Variants in CDK17 observed in about 807,000 individuals in gnomAD.
CDK17 encodes the protein cyclin dependent kinase 17, also known as cyclin-dependent kinase 17.
CDK17 carries 24 observed loss-of-function variants against 77.6 expected under a neutral mutation model. That is an observed-to-expected ratio of 0.31 (90% confidence interval 0.22 to 0.44). CDK17 has a LOEUF of 0.44. CDK17 is among the 20% of genes least tolerant of loss of function. The pLI is 1.00. For missense variants in CDK17, 429 were observed against 622.5 expected (o/e 0.69, Z 3.31); for synonymous variants, 203 against 210.4 (o/e 0.96, Z 0.30).
chr12:96,309,952 A>G (rs1429262051), intron 5 of CDK17, among the ~76,000 whole-genome samples: 2 of 152,244 alleles, frequency 1.3e-5, no homozygotes, highest in Non-Finnish European at 2.9e-5. Context: ...GAAGCAGAAT[A>G]TAATGCAACA....
intron 5 of CDK17, among the ~76,000 whole-genome samples, chr12:96,309,340 A>G (rs1425857169): frequency 6.6e-6 from 1 of 152,214 alleles, no homozygotes; most frequent in Non-Finnish European, 1.5e-5. Context: ...CTCAAGTGCT[A>G]TCTCTGTAAG....
At chr12:96,394,809 A>G (rs1372447183) in intron 1 of CDK17, among the ~76,000 whole-genome samples, 3 of 151,460 alleles carry the variant, frequency 2.0e-5, no homozygotes, top group African/African-American at 4.8e-5. Flanking sequence ...AAAAAAAAAA[A>G]AAGAAAAAAA....
chr12:96,361,226 T>G lies in CDK17; in HGVS notation c.-29-26361A>C, dbSNP rs375015498. Among the ~76,000 whole-genome samples, 9 of 152,314 alleles carry G rather than the reference T, an allele frequency of 5.9e-5. No individual in the cohort carries two copies. In the East Asian group the frequency reaches 1.5e-3, roughly 26 times the overall value. ...AGGGGATGTGATGAAGATGGTTTTA[T>G]GAGTGTGGAAAAACTGCAAACTGGA... On this transcript the variant is annotated intron_variant, in intron 1 of 16. Coordinates refer to ENST00000261211, the MANE Select transcript of CDK17 (RefSeq NM_002595.5).
intron 1 of CDK17, among the ~76,000 whole-genome samples, chr12:96,362,269 A>G (rs1953504167): frequency 6.6e-6 from 1 of 151,942 alleles, no homozygotes; most frequent in African/African-American, 2.4e-5. Flanking sequence ...CTCAGGCTGG[A>G]GTGCAGTGGC....
chr12:96,368,376 G>C (rs1286604196), intron 1 of CDK17, among the ~76,000 whole-genome samples: 1 of 152,274 alleles, frequency 6.6e-6, no homozygotes, highest in East Asian at 1.9e-4. Flanking sequence ...CCTGAGGTCA[G>C]GAGCTTCTAA....
At chr12:96,297,880 C>T (rs1952432421) in intron 7 of CDK17, among the ~76,000 whole-genome samples, 159 bp from the exon 8 acceptor site, 1 of 149,996 alleles carries the variant, frequency 6.7e-6, no homozygotes, top group Admixed American at 6.7e-5. Flanking sequence ...CCGAGGCAGG[C>T]GGATCACTTG....
At chr12:96,352,230 C>A (rs1428451570) in intron 1 of CDK17, among the ~76,000 whole-genome samples, 1 of 152,058 alleles carries the variant, frequency 6.6e-6, no homozygotes, top group Admixed American at 6.6e-5. Context: ...GAAGGTGAGG[C>A]GATGGGACCA....
At chr12:96,363,120 AAAGT>A (rs1456414091) in intron 1 of CDK17, among the ~76,000 whole-genome samples, 2 of 152,150 alleles carry the variant, frequency 1.3e-5, no homozygotes, top group African/African-American at 2.4e-5. Context: ...TCCAGTTACG[AAAGT>A]AAGAAAACAA....
At chr12:96,301,574 A>G (rs570141783) in intron 5 of CDK17, among the ~76,000 whole-genome samples, 13 of 152,312 alleles carry the variant, frequency 8.5e-5, no homozygotes, top group Admixed American at 7.8e-4. Context: ...AGATAATGGA[A>G]AAGGTAATGA....
intron 1 of CDK17, among the ~76,000 whole-genome samples, chr12:96,364,542 C>T (rs1245922749): frequency 1.3e-5 from 2 of 152,112 alleles, no homozygotes; most frequent in East Asian, 3.9e-4. Context: ...TTGAGGACTC[C>T]AATCATACTT....
chr12:96,353,716 G>C (rs1357219820), intron 1 of CDK17, among the ~76,000 whole-genome samples: 2 of 152,008 alleles, frequency 1.3e-5, no homozygotes, highest in Non-Finnish European at 2.9e-5. Context: ...GATTTGCTAG[G>C]TTAGTTTCCC....
intron 1 of CDK17, among the ~76,000 whole-genome samples, chr12:96,345,179 T>C (rs1002477491): frequency 2.0e-5 from 3 of 152,244 alleles, no homozygotes; most frequent in Non-Finnish European, 4.4e-5. Context: ...TGTGGCTGAA[T>C]AGTATTCCAT....
In CDK17 at chr12:96,283,447, GTTT is replaced by G. The variant is rs11345627; in HGVS notation, c.1365+153_1365+155del. On this transcript the variant is annotated intron_variant, in intron 14 of 16. Transcript: ENST00000261211. ...ACCCAGACACATTAGGAGAAACCAT[GTTT>G]TTTTTTTTTTTTTTAACTTAAACAT... 2.5e-3 allele frequency among the ~76,000 whole-genome samples: 363 copies of G among 145,956 alleles called. 1 individual carries two copies. Among genetic ancestry groups the G allele is most frequent in the East Asian group, 5.7e-3 (29 of 5,062 alleles).
intron 1 of CDK17, among the ~76,000 whole-genome samples, chr12:96,392,407 C>T (rs1374303812): frequency 2.0e-5 from 3 of 151,954 alleles, no homozygotes; most frequent in Non-Finnish European, 4.4e-5. Flanking sequence ...CATATATAAA[C>T]ATAAAGAAAG....
intron 3 of CDK17, among the ~76,000 whole-genome samples, chr12:96,317,199 G>T: frequency 6.7e-6 from 1 of 150,236 alleles, no homozygotes; most frequent in Non-Finnish European, 1.5e-5. Context: ...CTGGAAGAAA[G>T]GGTATCAGCG....
chr12:96,398,855 G>A (rs35359599), intron 1 of CDK17, among the ~76,000 whole-genome samples: 9,015 of 152,240 alleles, frequency 0.059, 366 homozygotes, highest in Admixed American at 0.091. Context: ...GACCAACGAG[G>A]TGTCTTTGGT....
At chr12:96,325,001 TA>T (rs1184269064) in intron 2 of CDK17, among the ~76,000 whole-genome samples, 2 of 151,976 alleles carry the variant, frequency 1.3e-5, no homozygotes, top group Non-Finnish European at 2.9e-5. Flanking sequence ...GCAGAAACAT[TA>T]AAAAAATATA....
intron 1 of CDK17, among the ~76,000 whole-genome samples, chr12:96,395,277 A>G (rs1227404694): frequency 2.0e-5 from 3 of 152,224 alleles, no homozygotes; most frequent in Admixed American, 2.0e-4. Flanking sequence ...TAATGTAGTA[A>G]AACCAGTTCA....
intron 10 of CDK17, among the ~76,000 whole-genome samples, chr12:96,292,519 C>T (rs1460077941): frequency 6.6e-6 from 1 of 152,180 alleles, no homozygotes; most frequent in South Asian, 2.1e-4. Context: ...GCACCAGAAT[C>T]GCTTGAACCC....
Sources: gnomAD v4.1 joint callset for allele counts (sites outside exome capture counted in the v4.1 genomes callset) on GRCh38, gnomAD v4.1.1 for gene constraint, MANE v1.5 for transcripts, NCBI Gene and HGNC (gene_info 2026-07-23, HGNC 2026-07-21) for gene names.